The following PIGN variants were observed in gnomAD, a reference collection of about 807,000 sequenced individuals.
PIGN encodes the protein phosphatidylinositol glycan anchor biosynthesis class N.
Under a neutral mutation model 125.4 loss-of-function variants are expected in PIGN, and 117 were observed. That is an observed-to-expected ratio of 0.93 (90% CI 0.80 to 1.09). The LOEUF (loss-of-function observed/expected upper bound fraction) is 1.09, where lower values mean the gene tolerates loss of function less well. Ranked by LOEUF, PIGN falls within the 50% of genes least tolerant of loss-of-function variation. PIGN has a pLI of 0.00. For missense variants in PIGN, 1,075 were observed against 1,094.9 expected, an observed-to-expected ratio of 0.98 and a Z score of 0.26; for synonymous variants, 392 against 377.8, an observed-to-expected ratio of 1.04 and a Z score of -0.44.
chr18:62,071,863 CATATATATATATATATAT>C (rs61508545), intron 30 of PIGN, among the ~76,000 whole-genome samples: 2,144 of 77,594 alleles, frequency 0.028, 97 homozygotes, highest in African/African-American at 0.065. Flanking sequence ...ACTCCTTTTC[CATATATATATATATATAT>C]ATATATATAT....
downstream of PIGN, among the ~76,000 whole-genome samples, chr18:62,038,308 G>GGT (rs1568105716): frequency 1.7e-5 from 2 of 120,096 alleles, no homozygotes; most frequent in Non-Finnish European, 3.3e-5. Context: ...CCCCCTCCGT[G>GGT]TTTTTTTTTT....
At chr18:62,036,798 T>G (rs546574641), downstream of PIGN, among the ~76,000 whole-genome samples, 2 of 152,350 alleles carry the variant, frequency 1.3e-5, no homozygotes, top group African/African-American at 2.4e-5. Context: ...CCATCATGTC[T>G]GGCCACTCAG....
intron 8 of PIGN, among the ~76,000 whole-genome samples, 154 bp downstream of exon 8, chr18:62,148,060 G>A (rs1430707782): frequency 1.3e-5 from 2 of 151,748 alleles, no homozygotes; most frequent in Non-Finnish European, 2.9e-5. Context: ...CGACTATATT[G>A]GAAATCTCAT....
intron 23 of PIGN, among the ~76,000 whole-genome samples, chr18:62,092,678 T>C (rs2034016947): frequency 6.6e-6 from 1 of 151,942 alleles, no homozygotes; most frequent in Non-Finnish European, 1.5e-5. Context: ...AATACGGGGG[T>C]AACACCAGAA....
At chr18:62,177,344 G>A (rs1358427771) in intron 1 of PIGN, among the ~76,000 whole-genome samples, 4 of 152,126 alleles carry the variant, frequency 2.6e-5, no homozygotes, top group Admixed American at 2.6e-4. Flanking sequence ...CTAAGCTCCA[G>A]TATTTCTATT....
intron 22 of PIGN, 103 bp downstream of exon 22, chr18:62,100,972 T>A (rs192485558): frequency 1.4e-6 from 1 of 694,512 alleles, no homozygotes; most frequent in African/African-American, 1.8e-5. Context: ...TTTCCTGCAA[T>A]AAAATTATTT....
chr18:62,097,645 A>C (rs1455688972), intron 22 of PIGN, among the ~76,000 whole-genome samples: 1 of 152,186 alleles, frequency 6.6e-6, no homozygotes, highest in Non-Finnish European at 1.5e-5. Context: ...TCTTTGCTTA[A>C]TTAGGCATTT....
intron 14 of PIGN, among the ~76,000 whole-genome samples, chr18:62,117,796 A>G (rs1039608237): frequency 4.6e-5 from 7 of 152,142 alleles, no homozygotes; most frequent in African/African-American, 1.7e-4. Context: ...TAGCTCCCAC[A>G]TATGAGTGAG....
At chr18:62,144,120 G>T (rs1401095537) in intron 10 of PIGN, among the ~76,000 whole-genome samples, 1 of 152,056 alleles carries the variant, frequency 6.6e-6, no homozygotes, top group Non-Finnish European at 1.5e-5. Flanking sequence ...TAAAATGTAT[G>T]ATATTTAATA....
Position 62,046,009 on chromosome 18 carries a change from A to C in PIGN, c.2673-30T>G. On this transcript the variant is annotated intron_variant, in intron 30 of 30. Transcript: ENST00000640252. ...AAAAGGAGAAAAAGATGTTACAGGC[A>C]GAGAGAACACAGGTGAGGAAAATCA... 3.1e-6 allele frequency: 5 copies of C among 1,603,874 alleles called. No homozygotes were observed. The South Asian group carries it at 5.6e-5, about 18-fold the overall frequency.
chr18:62,143,356 AC>A lies in PIGN; in HGVS notation c.923-11del. 2 of 1,477,810 alleles carry A rather than the reference AC, an allele frequency of 1.4e-6. No individual in the cohort carries two copies. The highest frequency in any genetic ancestry group is 1.9e-6 in the Non-Finnish European group (2 of 1,069,738). The allele number at this position is 1,477,810 out of a possible 1,614,324, so 91.5% of individuals were successfully genotyped here. ...TTCTCCAATCTCCACTCTGAAAGATACAATCAGACACAAGATCTGATGTTAA... is the reference window on the plus strand; with the variant it reads ...TTCTCCAATCTCCACTCTGAAAGATAAATCAGACACAAGATCTGATGTTAA... On this transcript the variant is annotated splice_polypyrimidine_tract_variant and intron_variant, in intron 10 of 30. Transcript: ENST00000640252.
At chr18:62,029,661 A>G (rs2030167400) in intron 23 of PIGN, among the ~76,000 whole-genome samples, 1 of 152,216 alleles carries the variant, frequency 6.6e-6, no homozygotes, top group Non-Finnish European at 1.5e-5. Flanking sequence ...AAGCAACGAC[A>G]TAAGTGGGGA....
At chr18:62,150,040 A>G (rs186014576) in intron 7 of PIGN, among the ~76,000 whole-genome samples, 18 of 152,288 alleles carry the variant, frequency 1.2e-4, no homozygotes, top group African/African-American at 3.8e-4. Flanking sequence ...GGAGTGCAGC[A>G]GCACAATCTT....
chr18:62,053,547 G>A (rs75623033), intron 30 of PIGN, among the ~76,000 whole-genome samples: 10,118 of 152,238 alleles, frequency 0.066, 620 homozygotes, highest in African/African-American at 0.16. Flanking sequence ...ACCACATGCT[G>A]TCTAAAAGAC....
At chr18:62,178,081 T>C (rs1477636553) in intron 1 of PIGN, among the ~76,000 whole-genome samples, 1 of 152,080 alleles carries the variant, frequency 6.6e-6, no homozygotes, top group Non-Finnish European at 1.5e-5. Flanking sequence ...AGGAAACCAC[T>C]AGACAGATCA....
At chr18:62,078,505 G>C (rs2033287564) in intron 28 of PIGN, among the ~76,000 whole-genome samples, 1 of 152,146 alleles carries the variant, frequency 6.6e-6, no homozygotes, top group Non-Finnish European at 1.5e-5. Flanking sequence ...CTGACTCTCA[G>C]AGGCCTTCAG....
intron 30 of PIGN, among the ~76,000 whole-genome samples, chr18:62,047,653 C>T (rs1336673901): frequency 1.3e-4 from 20 of 152,134 alleles, no homozygotes; most frequent in Admixed American, 1.2e-3. Context: ...GATTTCTAAC[C>T]TCATCAGGCA....
intron 1 of PIGN, among the ~76,000 whole-genome samples, chr18:62,167,715 C>T (rs1443903919): frequency 5.4e-5 from 8 of 148,812 alleles, no homozygotes; most frequent in South Asian, 2.2e-4. Context: ...TATATATATA[C>T]ACACACACAC....
chr18:62,074,757 G>A (rs1316235398), intron 29 of PIGN, 22 bp downstream of exon 29: 1 of 1,496,204 alleles, frequency 6.7e-7, no homozygotes, highest in Admixed American at 1.7e-5. Flanking sequence ...TAATTTATAT[G>A]GACTACCCAG....
Sources: gnomAD v4.1 joint callset for allele counts (sites outside exome capture counted in the v4.1 genomes callset) on GRCh38, gnomAD v4.1.1 for gene constraint, MANE v1.5 for transcripts, NCBI Gene and HGNC (gene_info 2026-07-23, HGNC 2026-07-21) for gene names.